Variants in NDUFAF2 observed in about 807,000 individuals in gnomAD.
NDUFAF2 encodes the protein NADH:ubiquinone oxidoreductase complex assembly factor 2.
Under a neutral mutation model 22.8 loss-of-function variants are expected in NDUFAF2, and 13 were observed. The observed-to-expected ratio is 0.57, with a 90% CI of 0.37 to 0.91. The LOEUF (loss-of-function observed/expected upper bound fraction) is 0.91, where lower values mean the gene tolerates loss of function less well. Ranked by LOEUF, NDUFAF2 falls within the 40% of genes least tolerant of loss-of-function variation. NDUFAF2 has a pLI of 0.01. For synonymous variants in NDUFAF2, 53 were observed against 64.2 expected (o/e 0.83, Z 0.84); for missense variants, 162 against 195.2 (o/e 0.83, Z 1.01).
chr5:60,966,570 G>C (rs1208284285), intron 1 of NDUFAF2, among the ~76,000 whole-genome samples: 1 of 152,034 alleles, frequency 6.6e-6, no homozygotes, highest in Non-Finnish European at 1.5e-5. Context: ...TCATTCTTTT[G>C]CATGTGGATA....
intron 1 of NDUFAF2, among the ~76,000 whole-genome samples, chr5:60,964,249 G>T (rs1750726090): frequency 1.3e-5 from 2 of 151,790 alleles, no homozygotes; most frequent in South Asian, 2.1e-4. Context: ...TACCACATTT[G>T]GTTCATCTTT....
At chr5:61,106,164 C>A (rs76334743) in intron 3 of NDUFAF2, among the ~76,000 whole-genome samples, 12,145 of 151,198 alleles carry the variant, frequency 0.08, 665 homozygotes, top group Middle Eastern at 0.092. Context: ...ATACTAAAAT[C>A]ATTGAGTCAA....
chr5:61,043,191 G>A (rs1177817308), intron 1 of NDUFAF2, among the ~76,000 whole-genome samples: 3 of 152,136 alleles, frequency 2.0e-5, no homozygotes, highest in Admixed American at 6.6e-5. Context: ...TTGCACTCCA[G>A]CCTTGGGGAC....
intron 1 of NDUFAF2, among the ~76,000 whole-genome samples, chr5:60,998,850 A>G (rs1751260475): frequency 6.6e-6 from 1 of 151,644 alleles, no homozygotes; most frequent in Non-Finnish European, 1.5e-5. Flanking sequence ...TTAAGGTGAG[A>G]TTTTTTTCCA....
chr5:61,008,548 C>A (rs1751402819), intron 1 of NDUFAF2, among the ~76,000 whole-genome samples: 1 of 152,104 alleles, frequency 6.6e-6, no homozygotes, highest in Non-Finnish European at 1.5e-5. Flanking sequence ...CTTAAATGCA[C>A]TGAGCTTCAA....
At chr5:61,060,308 A>G (rs1752148076) in intron 1 of NDUFAF2, among the ~76,000 whole-genome samples, 1 of 152,126 alleles carries the variant, frequency 6.6e-6, no homozygotes, top group South Asian at 2.1e-4. Context: ...ATTTGTGTTC[A>G]TTTTATTTGT....
At position 61,136,021 on chromosome 5, in the gene NDUFAF2, A is replaced by ATAT. The variant is rs1740928611; in HGVS notation, c.259-16682_259-16680dup. On this transcript the variant is annotated intron_variant, in intron 3 of 3. Coordinates refer to ENST00000296597, the MANE Select transcript of NDUFAF2 (RefSeq NM_174889.5). ...AGCCTGTCTTTATATATATATATAT[A>ATAT]TATATATATATATATATATATCTAG... 4.8e-4 allele frequency among the ~76,000 whole-genome samples: 17 copies of ATAT among 35,720 alleles called. 1 individual carries two copies. The highest frequency in any genetic ancestry group is 9.3e-4 in the African/African-American group (17 of 18,364). 23.4% of individuals were successfully genotyped at this position (35,720 alleles called of 152,430 possible).
intron 1 of NDUFAF2, among the ~76,000 whole-genome samples, chr5:60,979,189 T>A (rs925556685): frequency 6.6e-6 from 1 of 152,174 alleles, no homozygotes; most frequent in Non-Finnish European, 1.5e-5. Context: ...TGGCTTCAGA[T>A]AAGATTCAGA....
intron 1 of NDUFAF2, among the ~76,000 whole-genome samples, chr5:61,058,812 T>A (rs990208171): frequency 2.0e-5 from 3 of 152,060 alleles, no homozygotes; most frequent in Non-Finnish European, 4.4e-5. Flanking sequence ...AAAAGTTGAT[T>A]TCTACACATC....
intron 3 of NDUFAF2, among the ~76,000 whole-genome samples, chr5:61,133,127 G>A (rs1484519511): frequency 5.3e-5 from 8 of 152,066 alleles, no homozygotes; most frequent in Non-Finnish European, 1.0e-4. Context: ...CCAAGTTTTG[G>A]TCAGTCACAG....
chr5:61,056,919 A>AAAATATAT (rs1752105032), intron 1 of NDUFAF2, among the ~76,000 whole-genome samples: 2 of 28,812 alleles, frequency 6.9e-5, no homozygotes, highest in African/African-American at 3.2e-4. Context: ...AAAAAAAAAA[A>AAAATATAT]ATATATATAT....
intron 1 of NDUFAF2, among the ~76,000 whole-genome samples, chr5:61,033,012 A>G (rs1181784384): frequency 2.0e-5 from 3 of 152,008 alleles, no homozygotes; most frequent in Non-Finnish European, 4.4e-5. Context: ...CATTTTCATG[A>G]TATTGAGTCT....
intron 1 of NDUFAF2, among the ~76,000 whole-genome samples, chr5:60,988,241 CA>C (rs1295062849): frequency 2.0e-5 from 3 of 152,064 alleles, no homozygotes; most frequent in African/African-American, 7.2e-5. Context: ...AAGATCTCTA[CA>C]ATGAGAATTA....
intron 1 of NDUFAF2, among the ~76,000 whole-genome samples, chr5:61,066,172 C>T (rs1752225835): frequency 6.6e-6 from 1 of 151,696 alleles, no homozygotes; most frequent in South Asian, 2.1e-4. Context: ...ATCTGTACAC[C>T]AAAAACTATA....
intron 1 of NDUFAF2, among the ~76,000 whole-genome samples, chr5:61,041,800 A>G (rs1445941643): frequency 6.6e-6 from 1 of 152,162 alleles, no homozygotes; most frequent in African/African-American, 2.4e-5. Flanking sequence ...TTTGTTCACC[A>G]TGTGTCTTAG....
intron 1 of NDUFAF2, among the ~76,000 whole-genome samples, chr5:61,046,220 A>G (rs1279547992): frequency 1.3e-5 from 2 of 151,982 alleles, no homozygotes; most frequent in Admixed American, 6.6e-5. Context: ...GTTTATTAGT[A>G]TTTTGTTGAG....
At chr5:60,989,971 T>TA (rs1344923565) in intron 1 of NDUFAF2, among the ~76,000 whole-genome samples, 8 of 152,054 alleles carry the variant, frequency 5.3e-5, no homozygotes, top group South Asian at 4.1e-4. Flanking sequence ...TATTAAGCCA[T>TA]AAAAAAGAAT....
intron 1 of NDUFAF2, among the ~76,000 whole-genome samples, chr5:61,033,691 A>G (rs1373630636): frequency 6.6e-6 from 1 of 152,130 alleles, no homozygotes; most frequent in East Asian, 1.9e-4. Context: ...CTCCTTAGGT[A>G]GAATATTTTT....
At chr5:61,080,076 C>A (rs1752423382) in intron 2 of NDUFAF2, among the ~76,000 whole-genome samples, 1 of 151,778 alleles carries the variant, frequency 6.6e-6, no homozygotes, top group Non-Finnish European at 1.5e-5. Context: ...TTTAACATAC[C>A]TTAATACATT....
Sources: gnomAD v4.1 joint callset for allele counts (sites outside exome capture counted in the v4.1 genomes callset) on GRCh38, gnomAD v4.1.1 for gene constraint, MANE v1.5 for transcripts, NCBI Gene and HGNC (gene_info 2026-07-23, HGNC 2026-07-21) for gene names.